Variants in SGCD observed in about 807,000 individuals in gnomAD.
SGCD encodes sarcoglycan delta.
A neutral mutation model predicts 36.6 loss-of-function variants in SGCD; 18 were observed. The ratio of observed to expected loss-of-function variants is 0.49; its 90% CI spans 0.34 to 0.73. The LOEUF is 0.73. SGCD is among the 30% of genes least tolerant of loss of function. SGCD has a pLI of 0.01. For synonymous variants in SGCD, 133 were observed against 130.6 expected (o/e 1.02, Z -0.12); for missense variants, 387 against 346.7 (o/e 1.12, Z -0.92).
intron 4 of SGCD, among the ~76,000 whole-genome samples, chr5:156,554,899 C>T (rs769900390): frequency 6.6e-6 from 1 of 152,068 alleles, no homozygotes; most frequent in Non-Finnish European, 1.5e-5. Flanking sequence ...CTCACCAACA[C>T]TTGTTTTCTG....
Position 156,762,469 on chromosome 5 carries a change from A to G in SGCD, c.*3079A>G, listed in dbSNP as rs765153425. The G allele has an allele frequency of 2.6e-5, 4 of 152,626 alleles. No individual in the cohort carries two copies. The highest frequency in any genetic ancestry group is 4.4e-5 in the Non-Finnish European group (3 of 68,040). 9.5% of individuals were successfully genotyped at this position (152,626 alleles called of 1,614,324 possible). Reference sequence around the variant, plus strand: ...GTAAAAGCCTGACATGTGGCTTTATAATTGTTATGTTACCCAAGGGATAAA... The same window carrying G: ...GTAAAAGCCTGACATGTGGCTTTATGATTGTTATGTTACCCAAGGGATAAA... On this transcript the variant is annotated 3_prime_UTR_variant, in exon 9 of 9. Coordinates refer to ENST00000337851, the MANE Select transcript of SGCD (RefSeq NM_000337.6).
At chr5:155,747,670 G>A in the SGCD span, among the ~76,000 whole-genome samples, 1 of 152,142 alleles carries the variant, frequency 6.6e-6, no homozygotes, top group Non-Finnish European at 1.5e-5. Flanking sequence ...TTCAACATAA[G>A]GTAGCTATAG....
At chr5:155,834,183 C>T in the SGCD span, among the ~76,000 whole-genome samples, 1 of 54,604 alleles carries the variant, frequency 1.8e-5, no homozygotes, top group African/African-American at 7.6e-5. Flanking sequence ...TACCTATGTG[C>T]CCCTCCTTTA....
At chr5:156,173,071 G>C (rs1763380329) in intron 3 of SGCD, among the ~76,000 whole-genome samples, 1 of 152,028 alleles carries the variant, frequency 6.6e-6, no homozygotes, top group South Asian at 2.1e-4. Context: ...TATTATTTTA[G>C]TAGCCCATTA....
the SGCD span, among the ~76,000 whole-genome samples, chr5:155,813,065 A>G: frequency 6.6e-6 from 1 of 152,022 alleles, no homozygotes. Context: ...GAAAGGAAGG[A>G]AAAAGGAATA....
At chr5:156,219,526 T>G (rs1343034931) in intron 3 of SGCD, among the ~76,000 whole-genome samples, 1 of 152,162 alleles carries the variant, frequency 6.6e-6, no homozygotes, top group Non-Finnish European at 1.5e-5. Context: ...ATACTCTGCG[T>G]TGAGAAAAAA....
chr5:156,606,816 T>A (rs932169926), intron 6 of SGCD, among the ~76,000 whole-genome samples: 9 of 152,158 alleles, frequency 5.9e-5, no homozygotes, highest in East Asian at 3.9e-4. Context: ...GCAATTGTGA[T>A]TGGAAGTTCA....
intron 3 of SGCD, among the ~76,000 whole-genome samples, chr5:156,366,109 C>A (rs558636707): frequency 1.3e-5 from 2 of 152,296 alleles, no homozygotes; most frequent in South Asian, 4.1e-4. Flanking sequence ...AAATGTGAGA[C>A]CATTCAGTCA....
At chr5:156,101,409 C>G (rs1199467187) in intron 1 of SGCD, among the ~76,000 whole-genome samples, 1 of 152,162 alleles carries the variant, frequency 6.6e-6, no homozygotes, top group Middle Eastern at 3.2e-3. Context: ...TGTCCTGAGT[C>G]AACTAGGAAA....
At chr5:155,883,127 G>A (rs1357807529) in intron 1 of SGCD, among the ~76,000 whole-genome samples, 3 of 152,056 alleles carry the variant, frequency 2.0e-5, no homozygotes, top group Non-Finnish European at 2.9e-5. Flanking sequence ...CTCTCAGCTC[G>A]CAAAGAATTG....
chr5:155,916,447 T>C (rs1321484398), intron 1 of SGCD, among the ~76,000 whole-genome samples: 1 of 152,148 alleles, frequency 6.6e-6, no homozygotes, highest in Non-Finnish European at 1.5e-5. Flanking sequence ...TCACCATAGG[T>C]TGCCCCAGTA....
intron 1 of SGCD, among the ~76,000 whole-genome samples, chr5:155,879,303 T>C (rs1262412051): frequency 6.6e-6 from 1 of 152,170 alleles, no homozygotes; most frequent in Non-Finnish European, 1.5e-5. Context: ...AAAACTGTAA[T>C]GCATTTTGTA....
intron 3 of SGCD, among the ~76,000 whole-genome samples, chr5:156,386,839 A>G (rs1227056756): frequency 2.0e-5 from 3 of 152,240 alleles, no homozygotes; most frequent in Admixed American, 2.0e-4. Context: ...TCATCCCAGT[A>G]GTCCAGAAAG....
At chr5:156,334,609 C>CTTTTTTTTTTTTTTTTTTTTTTTT (rs35767339) in intron 2 of SGCD, among the ~76,000 whole-genome samples, 1 of 105,066 alleles carries the variant, frequency 9.5e-6, no homozygotes, top group Non-Finnish European at 1.8e-5. Context: ...GGTCTATTTT[C>CTTTTTTTTTTTTTTTTTTTTTTTT]TTTTTTTTTT....
At chr5:156,335,635 T>C (rs976662272) in intron 2 of SGCD, among the ~76,000 whole-genome samples, 1 of 152,120 alleles carries the variant, frequency 6.6e-6, no homozygotes, top group Admixed American at 6.5e-5. Flanking sequence ...TCTTCCCCTA[T>C]CATTCCCCTG....
chr5:156,694,128 A>G (rs1284852860), intron 7 of SGCD, among the ~76,000 whole-genome samples: 1 of 152,172 alleles, frequency 6.6e-6, no homozygotes, highest in Non-Finnish European at 1.5e-5. Flanking sequence ...GTAAAATATA[A>G]CATCTCCAGT....
chr5:156,228,444 A>G (rs554585572), intron 3 of SGCD, among the ~76,000 whole-genome samples: 1 of 152,220 alleles, frequency 6.6e-6, no homozygotes, highest in Admixed American at 6.6e-5. Flanking sequence ...TTTTTGTCTA[A>G]TGTAAGAATA....
the SGCD span, among the ~76,000 whole-genome samples, chr5:155,738,692 G>T: frequency 7.0e-6 from 1 of 143,128 alleles, no homozygotes; most frequent in Non-Finnish European, 1.5e-5. Context: ...GTGTGTGAGA[G>T]TGTATATGAG....
chr5:156,478,805 T>A (rs1411062862), intron 3 of SGCD, among the ~76,000 whole-genome samples: 1 of 152,124 alleles, frequency 6.6e-6, no homozygotes, highest in Non-Finnish European at 1.5e-5. Context: ...GGTCTCGAAC[T>A]CCCAACCTCA....
Sources: gnomAD v4.1 joint callset for allele counts (sites outside exome capture counted in the v4.1 genomes callset) on GRCh38, gnomAD v4.1.1 for gene constraint, MANE v1.5 for transcripts, NCBI Gene and HGNC (gene_info 2026-07-23, HGNC 2026-07-21) for gene names.